Variants in TSEN15 observed in about 807,000 individuals in gnomAD.
TSEN15 encodes tRNA-splicing endonuclease subunit Sen15.
TSEN15 carries 10 observed loss-of-function variants against 20.5 expected under a neutral mutation model. The observed-to-expected ratio is 0.49, with a 90% CI of 0.30 to 0.83. TSEN15 has a LOEUF of 0.83. Ranked by LOEUF, TSEN15 falls within the 40% of genes least tolerant of loss-of-function variation. TSEN15 has a pLI of 0.06. For missense variants in TSEN15, 180 were observed against 218.6 expected, an observed-to-expected ratio of 0.82 and a Z score of 1.11; for synonymous variants, 72 against 80.1, an observed-to-expected ratio of 0.90 and a Z score of 0.54.
At chr1:184,086,036 G>A (rs953233054) in intron 3 of TSEN15, among the ~76,000 whole-genome samples, 3 of 152,130 alleles carry the variant, frequency 2.0e-5, no homozygotes, top group Non-Finnish European at 4.4e-5. Context: ...AATATCAACA[G>A]TGTTTTCCTC....
intron 3 of TSEN15, among the ~76,000 whole-genome samples, chr1:184,068,542 A>G (rs1040158593): frequency 2.0e-5 from 3 of 152,140 alleles, no homozygotes; most frequent in African/African-American, 7.2e-5. Flanking sequence ...AAAAGCTTGC[A>G]GTTCATTACA....
chr1:184,097,114 C>T (rs1003859048), exon 4 of TSEN15: 1 of 151,994 alleles, frequency 6.6e-6, no homozygotes, highest in African/African-American at 2.4e-5. Context: ...AGAAATGGTC[C>T]TAAAATGTAT....
At chr1:184,092,521 T>C (rs1439728600) in intron 3 of TSEN15, among the ~76,000 whole-genome samples, 1 of 152,246 alleles carries the variant, frequency 6.6e-6, no homozygotes, top group African/African-American at 2.4e-5. Context: ...TAGCCCAGAA[T>C]AGGGGCTCTC....
At chr1:184,091,350 GTATA>G (rs1408727629) in intron 3 of TSEN15, among the ~76,000 whole-genome samples, 2 of 151,918 alleles carry the variant, frequency 1.3e-5, no homozygotes, top group Admixed American at 1.3e-4. Flanking sequence ...GTATAGTACA[GTATA>G]TATAGTCACC....
intron 3 of TSEN15, among the ~76,000 whole-genome samples, chr1:184,089,696 CATT>C (rs939904521): frequency 4.7e-5 from 7 of 149,958 alleles, no homozygotes; most frequent in African/African-American, 1.7e-4. Context: ...AAAAAACAGT[CATT>C]ATTTCCAGTG....
At chr1:184,095,256 T>C (rs1651427004) in intron 3 of TSEN15, 2 of 396,628 alleles carry the variant, frequency 5.0e-6, no homozygotes, top group South Asian at 1.4e-4. Flanking sequence ...TGCAGATGAG[T>C]GCTCCATAAC....
intron 3 of TSEN15, chr1:184,070,756 C>G: frequency 8.7e-6 from 7 of 808,340 alleles, no homozygotes; most frequent in Non-Finnish European, 1.1e-5. Flanking sequence ...TGATTAATAT[C>G]TATCGTTGCT....
chr1:184,095,654 TC>T (rs1651436672), intron 3 of TSEN15: 2 of 397,618 alleles, frequency 5.0e-6, no homozygotes, highest in Non-Finnish European at 8.9e-6. Flanking sequence ...TCTCTCTCTC[TC>T]TCTCTCTCTC....
At chr1:184,070,148 T>G (rs1378839420) in intron 3 of TSEN15, among the ~76,000 whole-genome samples, 1 of 151,978 alleles carries the variant, frequency 6.6e-6, no homozygotes. Flanking sequence ...AAATTGAGAA[T>G]GGAAAAAGAG....
chr1:184,075,906 A>AT (rs952906572), downstream of TSEN15, among the ~76,000 whole-genome samples: 21 of 98,410 alleles, frequency 2.1e-4, no homozygotes, highest in Admixed American at 7.1e-4. Flanking sequence ...ATATATATAT[A>AT]TATATTTTTT....
At chr1:184,076,976 G>A (rs1651071909), downstream of TSEN15, among the ~76,000 whole-genome samples, 3 of 152,188 alleles carry the variant, frequency 2.0e-5, no homozygotes, top group South Asian at 4.1e-4. Flanking sequence ...AAATCCTGAT[G>A]TAGAAGCTGC....
chr1:184,073,045 T>C lies in TSEN15; in HGVS notation c.*198T>C. On this transcript the variant is annotated 3_prime_UTR_variant, in exon 5 of 5. Transcript: ENST00000645668. ...TCCTTCTTAAAAAATATAGGGTGATTTCTTTAAAACTTTGTTATCTAGAGA... is the reference window on the plus strand; with the variant it reads ...TCCTTCTTAAAAAATATAGGGTGATCTCTTTAAAACTTTGTTATCTAGAGA... 1.8e-6 allele frequency: 1 copy of C among 570,696 alleles called. No homozygotes were observed. The highest frequency in any genetic ancestry group is 3.7e-5 in the Admixed American group (1 of 26,918). 35.4% of individuals were successfully genotyped at this position (570,696 alleles called of 1,614,324 possible).
At position 184,052,739 on chromosome 1, in the gene TSEN15, TC is replaced by T. The variant is rs376935371; in HGVS notation, c.135+852del. 1.2e-4 allele frequency among the ~76,000 whole-genome samples: 19 copies of T among 152,220 alleles called. No individual in the cohort carries two copies. The East Asian group carries it at 3.5e-3, about 28-fold the overall frequency. On this transcript the variant is annotated intron_variant, in intron 1 of 4. Transcript: ENST00000645668. Reference sequence around the variant, plus strand: ...TCTTCCTACTCTGTCCCCTTCATCCTCCCAAAAGGTGAGAAAAAGAAACAAT... The same window carrying T: ...TCTTCCTACTCTGTCCCCTTCATCCTCCAAAAGGTGAGAAAAAGAAACAAT...
intron 3 of TSEN15, among the ~76,000 whole-genome samples, chr1:184,089,754 T>C (rs1651325459): frequency 6.8e-6 from 1 of 148,104 alleles, no homozygotes; most frequent in Admixed American, 6.8e-5. Flanking sequence ...AAGAAGGAAG[T>C]AGGTGAGGGA....
intron 3 of TSEN15, among the ~76,000 whole-genome samples, chr1:184,080,814 A>G (rs188422097): frequency 7.5e-4 from 114 of 152,270 alleles, no homozygotes; most frequent in African/African-American, 2.5e-3. Flanking sequence ...TTGCACCTCA[A>G]TGAAGAAGAC....
At chr1:184,067,985 T>C (rs1157128716) in intron 3 of TSEN15, among the ~76,000 whole-genome samples, 3 of 146,740 alleles carry the variant, frequency 2.0e-5, no homozygotes, top group Non-Finnish European at 4.5e-5. Context: ...CATATGTATG[T>C]ATCTGCAAAA....
intron 3 of TSEN15, among the ~76,000 whole-genome samples, chr1:184,057,214 G>A (rs940605232): frequency 6.6e-6 from 1 of 152,136 alleles, no homozygotes; most frequent in Non-Finnish European, 1.5e-5. Flanking sequence ...GACAATTATT[G>A]ATGGAGCAAG....
chr1:184,054,713 A>G lies in TSEN15; in HGVS notation c.218-15A>G, dbSNP rs765376094. 3.7e-6 allele frequency: 6 copies of G among 1,609,752 alleles called. No homozygotes were observed. The highest frequency in any genetic ancestry group is 2.2e-5 in the East Asian group (1 of 44,876). On this transcript the variant is annotated splice_polypyrimidine_tract_variant and intron_variant, in intron 2 of 4. Coordinates refer to ENST00000645668, the MANE Select transcript of TSEN15 (RefSeq NM_052965.4). ...TTTAATAAACATTATTGTCCATTCA[A>G]TGATGCTCTTTCAGGCAAAAGCTGG...
intron 3 of TSEN15, among the ~76,000 whole-genome samples, chr1:184,088,619 A>G (rs937615094): frequency 6.6e-6 from 1 of 151,510 alleles, no homozygotes; most frequent in East Asian, 1.9e-4. Context: ...GAGTTTCACC[A>G]TATTGACCAG....
Sources: allele counts gnomAD v4.1 joint callset (sites outside exome capture counted in the v4.1 genomes callset), GRCh38; gene constraint gnomAD v4.1.1; transcripts MANE v1.5; gene names NCBI Gene and HGNC (gene_info 2026-07-23, HGNC 2026-07-21).